PCDHGA3: variants seen among roughly 807,000 people sequenced by gnomAD.
PCDHGA3 encodes the protein protocadherin gamma-A3.
PCDHGA3 carries 40 observed loss-of-function variants against 58.5 expected under a neutral mutation model. The observed-to-expected ratio is 0.68, with a 90% CI of 0.53 to 0.89. PCDHGA3 has a LOEUF of 0.89. Among genes scored for constraint, PCDHGA3 ranks in the 40% least tolerant of loss-of-function variants. PCDHGA3 has a pLI of 0.00. For synonymous variants in PCDHGA3, 530 were observed against 525.7 expected (o/e 1.01, Z -0.11); for missense variants, 1,223 against 1,195.9 (o/e 1.02, Z -0.33).
intron 1 of PCDHGA3, chr5:141,393,324 C>T: frequency 6.2e-7 from 1 of 1,611,210 alleles, no homozygotes; most frequent in Admixed American, 1.7e-5. Context: ...CCAGAGCTAC[C>T]AGCTCAGCCC....
intron 1 of PCDHGA3, chr5:141,418,478 G>A (rs777772131): frequency 1.2e-6 from 2 of 1,613,858 alleles, no homozygotes; most frequent in Non-Finnish European, 1.7e-6. Flanking sequence ...AACGCAGAGC[G>A]CTCACCACTT....
At position 141,489,947 on chromosome 5, in the gene PCDHGA3, A is replaced by G. The variant is rs368977481; in HGVS notation, c.2425-4860A>G. The G allele has an allele frequency of 5.4e-5, 87 of 1,614,090 alleles. No individual in the cohort carries two copies. Among genetic ancestry groups the G allele is most frequent in the South Asian group, 6.6e-5 (6 of 91,094 alleles). ...ATCTCTGTCATCGTGCTGGACATCA[A>G]TGATAATGCTCCAACCTTCCAATCC... On this transcript the variant is annotated intron_variant, in intron 1 of 3. Transcript: ENST00000253812. This position sits in a 1 kb window ranked among gnomAD's most constrained non-coding sequence, Gnocchi z 4.5.
intron 1 of PCDHGA3, chr5:141,377,601 C>G: frequency 7.5e-6 from 1 of 133,100 alleles, no homozygotes; most frequent in South Asian, 2.3e-4. Flanking sequence ...TTCTCTCTCT[C>G]TCTCAAAAAA....
Position 141,389,941 on chromosome 5 carries a change from T to C in PCDHGA3, c.2424+43484T>C, listed in dbSNP as rs772172943. 2.5e-6 allele frequency: 4 copies of C among 1,613,952 alleles called. No homozygotes were observed. In the African/African-American group the frequency reaches 5.3e-5, roughly 22 times the overall value. On this transcript the variant is annotated intron_variant, in intron 1 of 3. Coordinates refer to ENST00000253812, the MANE Select transcript of PCDHGA3 (RefSeq NM_018916.4). ...GACCCCTCTGACCTCCAGGCTGAGC[T>C]GCAGTTTTACCTAGTGGTGGCCTTG...
chr5:141,435,807 T>A (rs2097781241), intron 1 of PCDHGA3, among the ~76,000 whole-genome samples: 1 of 152,040 alleles, frequency 6.6e-6, no homozygotes, highest in South Asian at 2.1e-4. Context: ...CCCAATTATT[T>A]TTTCTTTCTT....
At chr5:141,352,378 G>T in intron 1 of PCDHGA3, 7 of 1,614,008 alleles carry the variant, frequency 4.3e-6, no homozygotes, top group Non-Finnish European at 4.2e-6. Flanking sequence ...TGATTCTAGC[G>T]ATCGCCCTGC....
rs114776679 is a variant in PCDHGA3, at chr5:141,400,351, G to A, written c.2424+53894G>A. The A allele has an allele frequency of 1.1e-3, 1,779 of 1,614,070 alleles. 15 individuals are homozygous for A. The African/African-American group carries it at 0.021, about 19-fold the overall frequency. On this transcript the variant is annotated intron_variant, in intron 1 of 3. Coordinates refer to ENST00000253812, the MANE Select transcript of PCDHGA3 (RefSeq NM_018916.4). ...TGTGGTTCCCCCCAACTACAGTCAG[G>A]GGACTTTGCCTTATTCCTACAACCT...
chr5:141,419,378 G>C (rs777509820), intron 1 of PCDHGA3: 3 of 1,613,712 alleles, frequency 1.9e-6, no homozygotes, highest in Admixed American at 3.3e-5. Context: ...CTACGTGTCC[G>C]TGAGCGCGCA....
Position 141,477,209 on chromosome 5 carries a change from G to A in PCDHGA3, c.2425-17598G>A. ...CGTGTACAGCCCAGTACCCGAGGAT[G>A]CCCCTCTGGGGACTGTCATCGCTTT... is the stretch of plus-strand genomic sequence containing the variant. On this transcript the variant is annotated intron_variant, in intron 1 of 3. Coordinates refer to ENST00000253812, the MANE Select transcript of PCDHGA3 (RefSeq NM_018916.4). This position sits in a 1 kb window ranked among gnomAD's most constrained non-coding sequence, Gnocchi z 4.9. The A allele has an allele frequency of 6.2e-7, 1 of 1,614,194 alleles. No homozygotes were observed.
chr5:141,491,742 C>T lies in PCDHGA3; in HGVS notation c.2425-3065C>T. On this transcript the variant is annotated intron_variant, in intron 1 of 3. Transcript: ENST00000253812. This position sits in a 1 kb window ranked among gnomAD's most constrained non-coding sequence, Gnocchi z 6.9. ...CGCCCCGGGCGACCCCTGGGGGCGG[C>T]ACTGGAGAAGCCGCCCGTCCTCATA... 6.3e-7 allele frequency: 1 copy of T among 1,596,114 alleles called. No individual in the cohort carries two copies. Among genetic ancestry groups the T allele is most frequent in the African/African-American group, 1.3e-5 (1 of 74,260 alleles).
intron 1 of PCDHGA3, among the ~76,000 whole-genome samples, chr5:141,353,303 A>G (rs1759240913): frequency 6.6e-6 from 1 of 152,202 alleles, no homozygotes; most frequent in Non-Finnish European, 1.5e-5. Flanking sequence ...CTCTTTATAA[A>G]TGTATTTAGA....
At chr5:141,466,376 C>A (rs1046432765) in intron 1 of PCDHGA3, among the ~76,000 whole-genome samples, 1 of 151,904 alleles carries the variant, frequency 6.6e-6, no homozygotes, top group Non-Finnish European at 1.5e-5. Flanking sequence ...GTTTTGGCAC[C>A]CATCTAATGG....
At chr5:141,405,002 C>G in intron 1 of PCDHGA3, 2 of 1,613,988 alleles carry the variant, frequency 1.2e-6, no homozygotes, top group Non-Finnish European at 1.7e-6. Context: ...CCCTGCAGAC[C>G]TGGAGGCCTC....
At chr5:141,386,087 A>G (rs1331014845) in intron 1 of PCDHGA3, 2 of 152,268 alleles carry the variant, frequency 1.3e-5, no homozygotes, top group Non-Finnish European at 2.9e-5. Context: ...TGGTACAGCC[A>G]GATGAAGTGT....
intron 1 of PCDHGA3, chr5:141,426,320 G>A (rs2096927622): frequency 1.1e-5 from 2 of 175,034 alleles, no homozygotes; most frequent in South Asian, 1.3e-4. Context: ...AGCAGGACCC[G>A]GCAGTGGCAA....
intron 1 of PCDHGA3, among the ~76,000 whole-genome samples, chr5:141,481,869 G>A (rs909237712): frequency 4.1e-5 from 6 of 146,780 alleles, no homozygotes; most frequent in East Asian, 2.0e-4. Flanking sequence ...AGCCGAGATC[G>A]CGCCACTGCA....
At chr5:141,418,171 G>A (rs2096234086) in intron 1 of PCDHGA3, 1 of 1,613,952 alleles carries the variant, frequency 6.2e-7, no homozygotes, top group African/African-American at 1.3e-5. Flanking sequence ...GATGTGAGTT[G>A]CAATTGGAAG....
In PCDHGA3 at chr5:141,364,194, C is replaced by T. The variant is rs189249749; in HGVS notation, c.2424+17737C>T. The T allele has an allele frequency of 6.4e-5, 68 of 1,068,708 alleles. No homozygotes were observed. The Admixed American group carries it at 2.2e-3, about 35-fold the overall frequency. The allele number at this position is 1,068,708 out of a possible 1,614,324, so 66.2% of individuals were successfully genotyped here. A position where few individuals can be genotyped will look rare whatever the true frequency, so the allele number is the denominator to read the frequency against. On this transcript the variant is annotated intron_variant, in intron 1 of 3. Transcript: ENST00000253812. ...CTCTGCTCCCTCCATACTAAACACA[C>T]AGACCAGACAAGCTCCTACGAAAAG...
At chr5:141,424,700 T>C (rs1359856009) in intron 1 of PCDHGA3, 3 of 152,228 alleles carry the variant, frequency 2.0e-5, no homozygotes, top group African/African-American at 7.2e-5. Context: ...TATTTTTTTG[T>C]TCATTTTCAG....
Sources: gnomAD v4.1 joint callset for allele counts (sites outside exome capture counted in the v4.1 genomes callset) on GRCh38, gnomAD v4.1.1 for gene constraint, Gnocchi (gnomAD v3.1) non-coding constraint, MANE v1.5 for transcripts, NCBI Gene and HGNC (gene_info 2026-07-23, HGNC 2026-07-21) for gene names.